Variants in BLTP1 observed in about 807,000 individuals in gnomAD.
BLTP1 encodes bridge-like lipid transfer protein family member 1.
chr4:122,262,078 G>C, the BLTP1 span: 2 of 849,860 alleles, frequency 2.4e-6, no homozygotes, highest in Non-Finnish European at 2.8e-6. Flanking sequence ...AAGATAGATA[G>C]CTTTTCTTTC....
At chr4:122,174,045 A>G in the BLTP1 span, among the ~76,000 whole-genome samples, 9,765 of 152,178 alleles carry the variant, frequency 0.064, 887 homozygotes, top group African/African-American at 0.2. Flanking sequence ...TTTGCAGGTA[A>G]ATAGGAGGGT....
the BLTP1 span, chr4:122,207,590 T>A: frequency 6.2e-7 from 1 of 1,610,764 alleles, no homozygotes; most frequent in Non-Finnish European, 8.5e-7. Flanking sequence ...TTTCTTTGCC[T>A]TTTACGGACT....
the BLTP1 span, chr4:122,183,351 A>AC: frequency 1.1e-6 from 1 of 947,438 alleles, no homozygotes; most frequent in Non-Finnish European, 1.3e-6. Context: ...AAAAAAAAAA[A>AC]GCTTAAACAA....
chr4:122,340,987 A>G, the BLTP1 span: 1 of 220,458 alleles, frequency 4.5e-6, no homozygotes, highest in Non-Finnish European at 7.6e-6. Flanking sequence ...GTAACTTTTT[A>G]AAATTTAAAG....
the BLTP1 span, among the ~76,000 whole-genome samples, chr4:122,223,406 C>T: frequency 1.3e-5 from 2 of 152,102 alleles, no homozygotes; most frequent in African/African-American, 4.8e-5. Flanking sequence ...GTTGAAGGCT[C>T]TGTGAACACT....
the BLTP1 span, chr4:122,162,392 A>G: frequency 1.9e-5 from 5 of 266,410 alleles, no homozygotes; most frequent in African/African-American, 2.4e-5. Flanking sequence ...AACTTATGGG[A>G]TATTTGTTTC....
the BLTP1 span, among the ~76,000 whole-genome samples, chr4:122,205,066 A>C: frequency 9.2e-5 from 14 of 151,938 alleles, no homozygotes; most frequent in East Asian, 2.7e-3. Context: ...AAGAGTTTCT[A>C]ATACATTTGT....
At chr4:122,197,124 T>C in the BLTP1 span, 3 of 786,912 alleles carry the variant, frequency 3.8e-6, no homozygotes, top group Non-Finnish European at 5.9e-6. Context: ...TCTGTAATAA[T>C]AACTGAAAAG....
chr4:122,152,415 T>TGGGCGGCGGCCCC, the BLTP1 span: 48 of 985,790 alleles, frequency 4.9e-5, 1 homozygote, highest in Admixed American at 6.1e-5. Context: ...GGTCTGGACC[T>TGGGCGGCGGCCCC]GGGCGGCGGC....
the BLTP1 span, chr4:122,355,933 A>G: frequency 6.2e-7 from 1 of 1,612,392 alleles, no homozygotes; most frequent in Non-Finnish European, 8.5e-7. Context: ...ATTACCAAGG[A>G]TGCAGCTTGA....
the BLTP1 span, chr4:122,336,505 C>T: frequency 1.3e-6 from 1 of 774,758 alleles, no homozygotes; most frequent in Non-Finnish European, 1.8e-6. Context: ...GAGAGATCAT[C>T]TAATTGTCAT....
At chr4:122,354,669 CT>C in the BLTP1 span, among the ~76,000 whole-genome samples, 282 of 135,022 alleles carry the variant, frequency 2.1e-3, no homozygotes, top group South Asian at 5.0e-3. Context: ...TTTTTCTTTT[CT>C]TTTTTTTTTT....
the BLTP1 span, chr4:122,239,981 A>G: frequency 1.9e-6 from 3 of 1,614,052 alleles, no homozygotes; most frequent in East Asian, 2.2e-5. Flanking sequence ...GGGGTTCCAT[A>G]TATCACAGTG....
chr4:122,185,045 A>G, the BLTP1 span: 1 of 985,400 alleles, frequency 1.0e-6, no homozygotes, highest in Non-Finnish European at 1.2e-6. Flanking sequence ...AAACGATAGA[A>G]GACTAAATAC....
the BLTP1 span, among the ~76,000 whole-genome samples, chr4:122,212,371 A>G: frequency 6.6e-6 from 1 of 152,174 alleles, no homozygotes; most frequent in Non-Finnish European, 1.5e-5. Context: ...TATGTCAAAT[A>G]TGTCTCCCAA....
chr4:122,184,938 C>T, the BLTP1 span: 1 of 984,136 alleles, frequency 1.0e-6, no homozygotes, highest in South Asian at 4.7e-5. Flanking sequence ...CTACAGATGC[C>T]AAATACTAGC....
At chr4:122,336,129 CAA>C in the BLTP1 span, 2 of 1,359,132 alleles carry the variant, frequency 1.5e-6, no homozygotes, top group Non-Finnish European at 2.0e-6. Flanking sequence ...TAATATAATT[CAA>C]ATTTCTGTTT....
At chr4:122,273,588 C>T in the BLTP1 span, among the ~76,000 whole-genome samples, 11 of 152,078 alleles carry the variant, frequency 7.2e-5, no homozygotes, top group East Asian at 2.1e-3. Flanking sequence ...TTTTCATTCA[C>T]TTTTAAATTG....
chr4:122,232,385 A>G, the BLTP1 span, among the ~76,000 whole-genome samples: 1 of 152,192 alleles, frequency 6.6e-6, no homozygotes, highest in African/African-American at 2.4e-5. Context: ...ACATTTTAGT[A>G]TAAGTTTGTC....
Sources: allele counts gnomAD v4.1 joint callset (sites outside exome capture counted in the v4.1 genomes callset), GRCh38; gene constraint gnomAD v4.1.1; transcripts MANE v1.5; gene names NCBI Gene and HGNC (gene_info 2026-07-23, HGNC 2026-07-21).